Variants in MAN1A1 observed in about 807,000 individuals in gnomAD.
MAN1A1 encodes the protein mannosyl-oligosaccharide 1,2-alpha-mannosidase IA.
MAN1A1 carries 29 observed loss-of-function variants against 70.8 expected under a neutral mutation model. The ratio of observed to expected loss-of-function variants is 0.41; its 90% CI spans 0.31 to 0.56. The LOEUF (loss-of-function observed/expected upper bound fraction) is 0.56, where lower values mean the gene tolerates loss of function less well. Ranked by LOEUF, MAN1A1 falls within the 20% of genes least tolerant of loss-of-function variation. The pLI is 0.29. For synonymous variants in MAN1A1, 349 were observed against 330.1 expected (o/e 1.06, Z -0.62); for missense variants, 747 against 841.3 (o/e 0.89, Z 1.39).
At chr6:119,296,154 G>A (rs1172672538) in intron 4 of MAN1A1, among the ~76,000 whole-genome samples, 2 of 152,212 alleles carry the variant, frequency 1.3e-5, no homozygotes, top group Non-Finnish European at 2.9e-5. Context: ...GTCTGTCACA[G>A]TGTGTCCTGG....
intron 5 of MAN1A1, chr6:119,269,294 C>T (rs41410645): frequency 0.03 from 8,707 of 286,936 alleles, 183 homozygotes; most frequent in African/African-American, 0.052. Context: ...CTGGTACTTC[C>T]AGCCAAACTC....
At chr6:119,312,714 C>T (rs1197221753) in intron 2 of MAN1A1, among the ~76,000 whole-genome samples, 1 of 152,122 alleles carries the variant, frequency 6.6e-6, no homozygotes, top group Non-Finnish European at 1.5e-5. Context: ...AGGGTCTGCC[C>T]TTCTACCCCT....
intron 9 of MAN1A1, 81 bp downstream of exon 9, chr6:119,193,696 C>T (rs1441497176): frequency 1.2e-6 from 1 of 861,744 alleles, no homozygotes; most frequent in Non-Finnish European, 1.9e-6. Flanking sequence ...ATGTAGTATA[C>T]CACTTATTCA....
rs1036265744 is a variant in MAN1A1 at position 119,238,033 on chromosome 6, G to C, written c.992+10227C>G. On this transcript the variant is annotated intron_variant, in intron 6 of 12. Coordinates refer to ENST00000368468, the MANE Select transcript of MAN1A1 (RefSeq NM_005907.4). The stretch of plus-strand genomic sequence containing the variant: ...CTCTTTCTGCCTTTTCTTTTCTGCT[G>C]ATTTTTCTTAAACACAGTCAGCACA... Among the ~76,000 whole-genome samples, 4 of 152,258 alleles carry C rather than the reference G, an allele frequency of 2.6e-5. No individual in the cohort carries two copies. The East Asian group carries it at 5.8e-4, about 22-fold the overall frequency.
chr6:119,253,836 G>T (rs7740993), intron 5 of MAN1A1, among the ~76,000 whole-genome samples: 48,968 of 152,008 alleles, frequency 0.32, 8,350 homozygotes, highest in Non-Finnish European at 0.35. Context: ...CGTTCCACTA[G>T]TTGCTACTGT....
intron 8 of MAN1A1, 110 bp downstream of exon 8, chr6:119,201,144 T>G: frequency 1.3e-6 from 1 of 775,498 alleles, no homozygotes; most frequent in East Asian, 2.5e-5. Context: ...CATGCCCTTT[T>G]CTCCTTTTCT....
chr6:119,339,272 G>GA (rs1431321016), intron 2 of MAN1A1, among the ~76,000 whole-genome samples: 1 of 152,126 alleles, frequency 6.6e-6, no homozygotes, highest in Non-Finnish European at 1.5e-5. Flanking sequence ...GAATTTAAGA[G>GA]AAAATCCCAC....
intron 5 of MAN1A1, among the ~76,000 whole-genome samples, chr6:119,274,952 A>C (rs17080935): frequency 0.05 from 7,606 of 152,298 alleles, 213 homozygotes; most frequent in South Asian, 0.079. Flanking sequence ...TTTGAGAAAG[A>C]CTTAAGTGCA....
At chr6:119,338,064 T>A (rs1293823564) in intron 2 of MAN1A1, among the ~76,000 whole-genome samples, 1 of 114,108 alleles carries the variant, frequency 8.8e-6, no homozygotes, top group Non-Finnish European at 1.8e-5. Context: ...ACACTGCTAG[T>A]TGACTAAAAA....
In MAN1A1 at chr6:119,191,028, A is replaced by G. The variant is rs550397788; in HGVS notation, c.1327-1145T>C. On this transcript the variant is annotated intron_variant, in intron 9 of 12. Coordinates refer to ENST00000368468, the MANE Select transcript of MAN1A1 (RefSeq NM_005907.4). ...AAAAAACTTGTGATAGAGAAGAATGAATGAAAATGAACACACAGGAAGCTA... is the reference window on the plus strand; with the variant it reads ...AAAAAACTTGTGATAGAGAAGAATGGATGAAAATGAACACACAGGAAGCTA... Among the ~76,000 whole-genome samples, 3 of 152,336 alleles carry G rather than the reference A, an allele frequency of 2.0e-5. No individual in the cohort carries two copies. In the East Asian group the frequency reaches 5.8e-4, roughly 29 times the overall value.
chr6:119,238,449 T>C (rs1433963108), intron 6 of MAN1A1, among the ~76,000 whole-genome samples: 2 of 152,236 alleles, frequency 1.3e-5, no homozygotes, highest in African/African-American at 4.8e-5. Context: ...CTATTTGAAA[T>C]GATACCCATC....
intron 8 of MAN1A1, among the ~76,000 whole-genome samples, chr6:119,199,956 T>C (rs1032048900): frequency 6.6e-6 from 1 of 151,822 alleles, no homozygotes; most frequent in South Asian, 2.1e-4. Flanking sequence ...AGAAAAAATA[T>C]GAATATTAGT....
At chr6:119,194,723 T>C (rs1773522650) in intron 8 of MAN1A1, among the ~76,000 whole-genome samples, 1 of 152,136 alleles carries the variant, frequency 6.6e-6, no homozygotes, top group African/African-American at 2.4e-5. Flanking sequence ...AGAAGAAGTT[T>C]TTCCTCCTAA....
intron 5 of MAN1A1, among the ~76,000 whole-genome samples, chr6:119,261,019 C>T (rs1296287597): frequency 1.6e-5 from 2 of 126,616 alleles, no homozygotes; most frequent in African/African-American, 6.1e-5. Flanking sequence ...CGCTCTGTTG[C>T]CCAGGCTGGA....
intron 5 of MAN1A1, among the ~76,000 whole-genome samples, chr6:119,286,874 T>C (rs561801456): frequency 1.3e-5 from 2 of 152,248 alleles, no homozygotes; most frequent in South Asian, 4.1e-4. Flanking sequence ...ATGTGGTTTG[T>C]CTATTTTCTC....
At position 119,236,133 on chromosome 6, in the gene MAN1A1, T is replaced by TAA. The variant is rs367861780; in HGVS notation, c.992+12125_992+12126dup. Among the ~76,000 whole-genome samples the TAA allele has an allele frequency of 7.7e-3, 1,056 of 136,988 alleles. 35 individuals are homozygous for TAA. The East Asian group carries it at 0.092, about 12-fold the overall frequency. The allele number at this position is 136,988 out of a possible 152,430, so 89.9% of individuals were successfully genotyped here. ...CTGGATGATAGAGCAAGACTCCGTC[T>TAA]AAAAAAAAAAAAAAAAAAGAATTAT... On this transcript the variant is annotated intron_variant, in intron 6 of 12. Coordinates refer to ENST00000368468, the MANE Select transcript of MAN1A1 (RefSeq NM_005907.4).
intron 5 of MAN1A1, among the ~76,000 whole-genome samples, chr6:119,285,211 C>A (rs1444843959): frequency 6.6e-6 from 1 of 151,336 alleles, no homozygotes; most frequent in Non-Finnish European, 1.5e-5. Context: ...TCCTGAGGCT[C>A]AAGTGATCCC....
At chr6:119,309,274 A>T (rs1270496820) in intron 2 of MAN1A1, among the ~76,000 whole-genome samples, 1 of 152,236 alleles carries the variant, frequency 6.6e-6, no homozygotes, top group Non-Finnish European at 1.5e-5. Context: ...ACACATGCAT[A>T]GAATAACTAT....
chr6:119,349,795 G>A (rs886684237), upstream of MAN1A1: 7 of 974,556 alleles, frequency 7.2e-6, no homozygotes, highest in South Asian at 2.4e-4. Context: ...GGTGGAAAGC[G>A]AGGGAGGCGA....
Sources: allele counts gnomAD v4.1 joint callset (sites outside exome capture counted in the v4.1 genomes callset), GRCh38; gene constraint gnomAD v4.1.1; transcripts MANE v1.5; gene names NCBI Gene and HGNC (gene_info 2026-07-23, HGNC 2026-07-21).